The following COLEC12 variants were observed in gnomAD, a reference collection of about 807,000 sequenced individuals.
The protein encoded by COLEC12 is collectin-12.
Under a neutral mutation model 71.1 loss-of-function variants are expected in COLEC12, and 33 were observed. That is an observed-to-expected ratio of 0.46 (90% CI 0.35 to 0.62). The LOEUF is 0.62. Among genes scored for constraint, COLEC12 ranks in the 20% least tolerant of loss-of-function variants. The probability of loss-of-function intolerance (pLI) is 0.00; values close to 1 mark genes in which losing one functional copy is unlikely to be tolerated. For synonymous variants in COLEC12, 350 were observed against 353.0 expected (o/e 0.99, Z 0.10); for missense variants, 765 against 916.1 (o/e 0.84, Z 2.13).
intron 2 of COLEC12, among the ~76,000 whole-genome samples, chr18:446,669 T>C (rs190743953): frequency 6.6e-6 from 1 of 152,244 alleles, no homozygotes; most frequent in Non-Finnish European, 1.5e-5. Context: ...TTAGCACTAT[T>C]TGTATAAAAT....
intron 3 of COLEC12, among the ~76,000 whole-genome samples, chr18:353,929 A>G (rs1276369211): frequency 1.3e-5 from 2 of 152,260 alleles, no homozygotes; most frequent in African/African-American, 4.8e-5. Context: ...AAGCCTAAAT[A>G]GTAATCCAGT....
chr18:403,252 A>G (rs1195215155), intron 2 of COLEC12, among the ~76,000 whole-genome samples: 1 of 152,242 alleles, frequency 6.6e-6, no homozygotes, highest in African/African-American at 2.4e-5. Flanking sequence ...TAGAGTTCTT[A>G]CCATTGGGTG....
chr18:318,658 A>G lies in COLEC12; in HGVS notation c.*1387T>C, dbSNP rs1485754926. 1.3e-5 allele frequency: 2 copies of G among 151,350 alleles called. No individual in the cohort carries two copies. The highest frequency in any genetic ancestry group is 3.9e-4 in the East Asian group (2 of 5,112). The allele number at this position is 151,350 out of a possible 1,614,324, so 9.4% of individuals were successfully genotyped here. ...CAGGCATGTGCCACTACACCCGGCT[A>G]ATTTTCTTATTTTTAGTAGAGATGG... On this transcript the variant is annotated 3_prime_UTR_variant, in exon 10 of 10. Coordinates refer to ENST00000400256, the MANE Select transcript of COLEC12 (RefSeq NM_130386.3).
chr18:439,220 G>T (rs1916465069), intron 2 of COLEC12, among the ~76,000 whole-genome samples: 1 of 152,146 alleles, frequency 6.6e-6, no homozygotes, highest in Admixed American at 6.5e-5. Context: ...TTGTTTCCAG[G>T]TCTGCCTTTT....
At chr18:491,005 G>T (rs1440516934) in intron 1 of COLEC12, among the ~76,000 whole-genome samples, 1 of 152,182 alleles carries the variant, frequency 6.6e-6, no homozygotes, top group African/African-American at 2.4e-5. Flanking sequence ...AGAACAAAAT[G>T]GTATGGTATC....
chr18:447,713 T>A (rs1325620494), intron 2 of COLEC12, among the ~76,000 whole-genome samples: 4 of 152,178 alleles, frequency 2.6e-5, no homozygotes, highest in African/African-American at 9.7e-5. Context: ...GGAGACACAG[T>A]TTCCAGAGCT....
chr18:426,349 TC>T (rs1916198392), intron 2 of COLEC12, among the ~76,000 whole-genome samples: 1 of 152,194 alleles, frequency 6.6e-6, no homozygotes, highest in South Asian at 2.1e-4. Context: ...GTTATGTGAT[TC>T]TATGAGGTCT....
chr18:447,766 T>C (rs1362240099), intron 2 of COLEC12, among the ~76,000 whole-genome samples: 1 of 152,182 alleles, frequency 6.6e-6, no homozygotes, highest in Non-Finnish European at 1.5e-5. Context: ...GGTAAAACCA[T>C]TAAATTGCAA....
intron 2 of COLEC12, among the ~76,000 whole-genome samples, chr18:363,534 TAC>T (rs1324901349): frequency 2.0e-5 from 3 of 152,244 alleles, no homozygotes; most frequent in Non-Finnish European, 2.9e-5. Context: ...GTGGTTTTTT[TAC>T]AGTTATTAAT....
Position 500,302 on chromosome 18 carries a change from C to A in COLEC12, c.7+206G>T, listed in dbSNP as rs1207370827. Among the ~76,000 whole-genome samples, 1 of 152,144 alleles carries A rather than the reference C, an allele frequency of 6.6e-6. No homozygotes were observed. The highest frequency in any genetic ancestry group is 2.4e-5 in the African/African-American group (1 of 41,454). On this transcript the variant is annotated intron_variant, in intron 1 of 9. Transcript: ENST00000400256. The surrounding 1 kb of genome is among the most constrained non-coding windows in gnomAD (Gnocchi z 5.3). ...GGGGAATACTTGCGCGCTTCAAAACCCCAACCTCGAGGTCTCCAGCCGCGC... is the reference window on the plus strand; with the variant it reads ...GGGGAATACTTGCGCGCTTCAAAACACCAACCTCGAGGTCTCCAGCCGCGC...
intron 2 of COLEC12, among the ~76,000 whole-genome samples, chr18:432,144 C>G (rs1916316505): frequency 6.6e-6 from 1 of 152,190 alleles, no homozygotes; most frequent in African/African-American, 2.4e-5. Context: ...CCATAGTGAA[C>G]CTGGACTTGA....
intron 5 of COLEC12, among the ~76,000 whole-genome samples, chr18:338,132 C>A (rs524633): frequency 0.65 from 99,392 of 151,946 alleles, 33,245 homozygotes; most frequent in East Asian, 0.97. Flanking sequence ...GTATTTTCCA[C>A]ACATCTCTTC....
intron 5 of COLEC12, among the ~76,000 whole-genome samples, chr18:336,746 G>A (rs1242388706): frequency 6.6e-6 from 1 of 152,092 alleles, no homozygotes; most frequent in Admixed American, 6.6e-5. Flanking sequence ...CATGAACTCA[G>A]GTCTTCTGAT....
At position 487,215 on chromosome 18, in the gene COLEC12, C is replaced by CA. The variant is rs1241870518; in HGVS notation, c.8-6459dup. 1.2e-4 allele frequency among the ~76,000 whole-genome samples: 18 copies of CA among 151,806 alleles called. No homozygotes were observed. The South Asian group carries it at 2.3e-3, about 19-fold the overall frequency. On this transcript the variant is annotated intron_variant, in intron 1 of 9. Transcript: ENST00000400256. ...TATGCTAAGTAAAAGAGGCCAGTCA[C>CA]AAAAAAAACACACACACATTGTGTG... is the stretch of plus-strand genomic sequence containing the variant.
At chr18:491,982 A>G (rs1917627403) in intron 1 of COLEC12, among the ~76,000 whole-genome samples, 1 of 152,198 alleles carries the variant, frequency 6.6e-6, no homozygotes, top group African/African-American at 2.4e-5. Context: ...AATGAACTCA[A>G]TGCAGCGTAA....
At chr18:475,443 C>T (rs1348479423) in intron 2 of COLEC12, among the ~76,000 whole-genome samples, 2 of 152,132 alleles carry the variant, frequency 1.3e-5, no homozygotes, top group Non-Finnish European at 2.9e-5. Context: ...TAGATGGCTT[C>T]AAATCAACAC....
intron 2 of COLEC12, among the ~76,000 whole-genome samples, chr18:402,908 A>T (rs1915715938): frequency 6.6e-6 from 1 of 152,084 alleles, no homozygotes; most frequent in Admixed American, 6.5e-5. Flanking sequence ...TTCTCCTTCA[A>T]GGGTTAAGTC....
Position 327,436 on chromosome 18 carries a change from C to T in COLEC12, c.2063+4232G>A, listed in dbSNP as rs139903483. ...CCGGGCCATTGCAGGTGGCATCTCA[C>T]GCCACCCTTTCCCCTCAGCTGGTCC... On this transcript the variant is annotated intron_variant, in intron 8 of 9. Coordinates refer to ENST00000400256, the MANE Select transcript of COLEC12 (RefSeq NM_130386.3). This position sits in a 1 kb window ranked among gnomAD's most constrained non-coding sequence, Gnocchi z 4.0. Among the ~76,000 whole-genome samples, 17 of 152,290 alleles carry T rather than the reference C, an allele frequency of 1.1e-4. No individual in the cohort carries two copies. The highest frequency in any genetic ancestry group is 3.9e-4 in the East Asian group (2 of 5,178).
chr18:449,712 C>T (rs1022051736), intron 2 of COLEC12, among the ~76,000 whole-genome samples: 4 of 152,230 alleles, frequency 2.6e-5, no homozygotes, highest in African/African-American at 9.6e-5. Flanking sequence ...AGTCTGCTTA[C>T]AGCCAATGAC....
Sources: allele counts gnomAD v4.1 joint callset (sites outside exome capture counted in the v4.1 genomes callset), GRCh38; gene constraint gnomAD v4.1.1; non-coding constraint Gnocchi (gnomAD v3.1); transcripts MANE v1.5; gene names NCBI Gene and HGNC (gene_info 2026-07-23, HGNC 2026-07-21).